Variants in MAML2 observed in about 807,000 individuals in gnomAD.
MAML2 encodes mastermind like transcriptional coactivator 2, also known as mastermind-like protein 2.
MAML2 carries 22 observed loss-of-function variants against 96.1 expected under a neutral mutation model. That is an observed-to-expected ratio of 0.23 (90% CI 0.16 to 0.33). The LOEUF is 0.33. Among genes scored for constraint, MAML2 ranks in the 10% least tolerant of loss-of-function variants. The pLI, the probability that MAML2 is intolerant of heterozygous loss-of-function variation, is 1.00. For missense variants in MAML2, 1,367 were observed against 1,392.4 expected (o/e 0.98, Z 0.29); for synonymous variants, 561 against 521.3 (o/e 1.08, Z -1.04).
Position 95,985,550 on chromosome 11 carries a change from T to C in MAML2, c.2436A>G (p.Gln812=), listed in dbSNP as rs981780756. 11 of 1,607,702 alleles carry C rather than the reference T, an allele frequency of 6.8e-6. No individual in the cohort carries two copies. The African/African-American group carries it at 1.3e-4, about 20-fold the overall frequency. ...ACTTACCAGAATACTGAGCAGTTGGTTGCATATTGCCCACATTTCTTCTTT... is the reference window on the plus strand; with the variant it reads ...ACTTACCAGAATACTGAGCAGTTGGCTGCATATTGCCCACATTTCTTCTTT... ...KDQRRNVGNM[Q]PTAQYSGGSS... Residue 812 remains glutamine, a synonymous_variant, in exon 4 of 5, where the codon CAA becomes CAG. Coordinates refer to ENST00000524717, the MANE Select transcript of MAML2 (RefSeq NM_032427.4).
intron 1 of MAML2, among the ~76,000 whole-genome samples, chr11:96,212,985 G>C (rs1403515097): frequency 6.6e-6 from 1 of 152,162 alleles, no homozygotes; most frequent in Admixed American, 6.5e-5. Context: ...GGAGGAATGG[G>C]TAACATAAAC....
intron 1 of MAML2, among the ~76,000 whole-genome samples, chr11:96,329,998 G>A (rs187346516): frequency 1.8e-4 from 27 of 152,318 alleles, no homozygotes; most frequent in African/African-American, 6.3e-4. Flanking sequence ...CCCAAGGGCA[G>A]CATAACAGTA....
chr11:96,161,693 C>T (rs985806675), intron 1 of MAML2, among the ~76,000 whole-genome samples: 1 of 152,190 alleles, frequency 6.6e-6, no homozygotes, highest in Non-Finnish European at 1.5e-5. Flanking sequence ...ATTCCTATGT[C>T]CTGAGTTTAC....
chr11:96,320,425 G>C (rs1368142863), intron 1 of MAML2, among the ~76,000 whole-genome samples: 1 of 152,192 alleles, frequency 6.6e-6, no homozygotes, highest in Non-Finnish European at 1.5e-5. Flanking sequence ...GTATACTCAA[G>C]CTCATGGCAA....
intron 2 of MAML2, among the ~76,000 whole-genome samples, chr11:96,061,303 T>C (rs1208124483): frequency 6.6e-6 from 1 of 152,200 alleles, no homozygotes; most frequent in Non-Finnish European, 1.5e-5. Flanking sequence ...CTTTTCTGGA[T>C]GCAGAGATGG....
intron 2 of MAML2, among the ~76,000 whole-genome samples, chr11:96,017,208 T>C (rs1858367665): frequency 6.6e-6 from 1 of 152,200 alleles, no homozygotes; most frequent in South Asian, 2.1e-4. Flanking sequence ...GTTAGCTAAA[T>C]TGCACAACAT....
At chr11:96,078,901 AT>A (rs1859490556) in intron 2 of MAML2, among the ~76,000 whole-genome samples, 1 of 152,244 alleles carries the variant, frequency 6.6e-6, no homozygotes, top group African/African-American at 2.4e-5. Flanking sequence ...AAGGATATCA[AT>A]TCAAATTTTA....
At chr11:96,279,436 T>C (rs2135984791) in intron 1 of MAML2, among the ~76,000 whole-genome samples, 1 of 152,358 alleles carries the variant, frequency 6.6e-6, no homozygotes, top group East Asian at 1.9e-4. Context: ...TGTTCATTCT[T>C]ACATTCAGTA....
intron 2 of MAML2, among the ~76,000 whole-genome samples, chr11:96,031,636 C>A (rs1422312863): frequency 1.3e-5 from 2 of 152,128 alleles, no homozygotes; most frequent in Non-Finnish European, 2.9e-5. Context: ...GCGTAGCATG[C>A]TTGGGGTACA....
chr11:96,148,106 T>C (rs1860849461), intron 1 of MAML2, among the ~76,000 whole-genome samples: 1 of 152,234 alleles, frequency 6.6e-6, no homozygotes, highest in Non-Finnish European at 1.5e-5. Flanking sequence ...GCACACCTCA[T>C]CTGTCACGTC....
intron 2 of MAML2, among the ~76,000 whole-genome samples, chr11:96,000,538 T>C (rs937359786): frequency 9.2e-5 from 14 of 152,334 alleles, no homozygotes; most frequent in Admixed American, 2.6e-4. Flanking sequence ...GTGAGATACT[T>C]TGGTCTTTCA....
At chr11:96,148,144 C>T (rs1467660164) in intron 1 of MAML2, among the ~76,000 whole-genome samples, 1 of 152,230 alleles carries the variant, frequency 6.6e-6, no homozygotes, top group Non-Finnish European at 1.5e-5. Flanking sequence ...ACCCTCTTCC[C>T]CTGCTCCTTT....
intron 2 of MAML2, among the ~76,000 whole-genome samples, chr11:96,067,994 TGA>T (rs1199504095): frequency 1.3e-5 from 2 of 152,260 alleles, no homozygotes; most frequent in East Asian, 1.9e-4. Flanking sequence ...AATTTTTTCC[TGA>T]GAGAGAGAGT....
chr11:96,154,171 T>C (rs188991430), intron 1 of MAML2, among the ~76,000 whole-genome samples: 2 of 152,232 alleles, frequency 1.3e-5, no homozygotes, highest in Admixed American at 6.5e-5. Context: ...GAGAGCTTGT[T>C]AAAAATAGAT....
chr11:96,088,534 C>T (rs770211832), intron 2 of MAML2, among the ~76,000 whole-genome samples: 1 of 152,070 alleles, frequency 6.6e-6, no homozygotes, highest in Non-Finnish European at 1.5e-5. Context: ...CCCGTCTTGC[C>T]CTATCCCATA....
chr11:96,202,145 A>G (rs1483716258), intron 1 of MAML2, among the ~76,000 whole-genome samples: 1 of 144,546 alleles, frequency 6.9e-6, no homozygotes, highest in East Asian at 2.0e-4. Context: ...TATCCTGGCT[A>G]ACACGGTGAA....
chr11:96,311,296 TAGA>T (rs547702484), intron 1 of MAML2, among the ~76,000 whole-genome samples: 160 of 152,274 alleles, frequency 1.1e-3, no homozygotes, highest in African/African-American at 2.4e-3. Context: ...TAGGAAGAAA[TAGA>T]AGAAGCTGGA....
At position 96,299,044 on chromosome 11, in the gene MAML2, CAAA is replaced by C. The variant is rs71040142; in HGVS notation, c.513+42336_513+42338del. Reference sequence around the variant, plus strand: ...TGGGCAACAGAGCGAGAGTCCATCTCAAAAAAAAAAAAAAAAATATATATATAT... The same window carrying C: ...TGGGCAACAGAGCGAGAGTCCATCTCAAAAAAAAAAAAAATATATATATAT... On this transcript the variant is annotated intron_variant, in intron 1 of 4. Transcript: ENST00000524717. Among the ~76,000 whole-genome samples the C allele has an allele frequency of 5.6e-4, 45 of 80,778 alleles. 1 individual carries two copies. The highest frequency in any genetic ancestry group is 2.0e-3 in the African/African-American group (37 of 18,240). 53.0% of individuals were successfully genotyped at this position (80,778 alleles called of 152,430 possible).
At chr11:96,331,394 C>T (rs2136017803) in intron 1 of MAML2, among the ~76,000 whole-genome samples, 1 of 152,156 alleles carries the variant, frequency 6.6e-6, no homozygotes, top group Non-Finnish European at 1.5e-5. Context: ...ATTAAAAATC[C>T]TTAATCAAAT....
Sources: allele counts gnomAD v4.1 joint callset (sites outside exome capture counted in the v4.1 genomes callset), GRCh38; gene constraint gnomAD v4.1.1; transcripts MANE v1.5; gene names NCBI Gene and HGNC (gene_info 2026-07-23, HGNC 2026-07-21).